Variants in SLCO5A1 observed in about 807,000 individuals in gnomAD.
SLCO5A1 encodes solute carrier organic anion transporter family member 5A1, also known as organic anion transporter polypeptide-related protein 4.
SLCO5A1 carries 39 observed loss-of-function variants against 65.1 expected under a neutral mutation model. That is an observed-to-expected ratio of 0.60 (90% CI 0.46 to 0.78). The LOEUF (loss-of-function observed/expected upper bound fraction) is 0.78, where lower values mean the gene tolerates loss of function less well. SLCO5A1 is among the 30% of genes least tolerant of loss of function. SLCO5A1 has a pLI of 0.00. For synonymous variants in SLCO5A1, 438 were observed against 415.7 expected, an observed-to-expected ratio of 1.05 and a Z score of -0.65; for missense variants, 1,029 against 1,069.4, an observed-to-expected ratio of 0.96 and a Z score of 0.53.
intron 2 of SLCO5A1, among the ~76,000 whole-genome samples, chr8:69,822,821 G>C (rs1820704448): frequency 6.6e-6 from 1 of 152,240 alleles, no homozygotes; most frequent in South Asian, 2.1e-4. Context: ...TGTTGGTAGA[G>C]TGAAACTAAA....
At chr8:69,784,899 A>AAAGG (rs1270890574) in intron 2 of SLCO5A1, among the ~76,000 whole-genome samples, 14 of 28,428 alleles carry the variant, frequency 4.9e-4, no homozygotes, top group Middle Eastern at 0.016. Flanking sequence ...AGAAAGGAAG[A>AAAGG]AAGAAAGAAA....
intron 4 of SLCO5A1, among the ~76,000 whole-genome samples, chr8:69,749,343 G>C (rs1303541037): frequency 1.3e-5 from 2 of 152,148 alleles, no homozygotes; most frequent in Non-Finnish European, 2.9e-5. Flanking sequence ...GTTTCACCGG[G>C]CGCAGTGGCT....
chr8:69,791,815 A>G (rs747927470), intron 2 of SLCO5A1, among the ~76,000 whole-genome samples: 115 of 152,210 alleles, frequency 7.6e-4, no homozygotes, highest in Non-Finnish European at 1.2e-3. Context: ...TTCTCTAATA[A>G]GTGAATTACA....
intron 2 of SLCO5A1, among the ~76,000 whole-genome samples, chr8:69,805,563 G>A (rs764836192): frequency 4.6e-5 from 7 of 152,270 alleles, no homozygotes; most frequent in Non-Finnish European, 8.8e-5. Flanking sequence ...ATGAATTATG[G>A]TGGGAGAATT....
At chr8:69,784,993 C>T (rs567332872) in intron 2 of SLCO5A1, among the ~76,000 whole-genome samples, 14 of 80,488 alleles carry the variant, frequency 1.7e-4, no homozygotes, top group Middle Eastern at 9.8e-3. Flanking sequence ...GAAAGAAAAG[C>T]GAAAGAAAGA....
At chr8:69,755,365 A>G in intron 4 of SLCO5A1, 59 bp downstream of exon 4, 6 of 1,435,448 alleles carry the variant, frequency 4.2e-6, no homozygotes, top group Non-Finnish European at 5.8e-6. Context: ...CTGGGACCAC[A>G]CTATGAGTAG....
At chr8:69,827,145 T>G in intron 2 of SLCO5A1, among the ~76,000 whole-genome samples, 1 of 92,390 alleles carries the variant, frequency 1.1e-5, no homozygotes, top group South Asian at 4.1e-4. Context: ...TGGGGACTGT[T>G]GTGGGGTGGG....
chr8:69,827,247 T>C, intron 2 of SLCO5A1, among the ~76,000 whole-genome samples: 1 of 151,838 alleles, frequency 6.6e-6, no homozygotes, highest in Non-Finnish European at 1.5e-5. Flanking sequence ...TGTATACATA[T>C]GTAACTAACC....
chr8:69,728,600 A>T (rs1030536300), intron 5 of SLCO5A1, among the ~76,000 whole-genome samples: 5 of 152,216 alleles, frequency 3.3e-5, no homozygotes, highest in African/African-American at 1.2e-4. Context: ...AAAAGTCTAA[A>T]GCTGTATTTA....
At chr8:69,785,543 A>G (rs1819014235) in intron 2 of SLCO5A1, among the ~76,000 whole-genome samples, 1 of 152,234 alleles carries the variant, frequency 6.6e-6, no homozygotes, top group East Asian at 1.9e-4. Flanking sequence ...TCTAAACACA[A>G]TAGTAAATCC....
Position 69,672,896 on chromosome 8 carries a change from G to C in SLCO5A1, c.2520C>G (p.Ser840Arg), listed in dbSNP as rs749926019. Residue 840 changes from serine (S) to arginine (R), a missense_variant, in exon 10 of 10, where the codon AGC becomes AGG. Physicochemically the swap from Ser to Arg is moderately radical, Grantham distance 110 (BLOSUM62 -1). Around this residue, in one of 3 missense-constraint regions of SLCO5A1, gnomAD observed 258 missense variants for 237.4 expected, o/e 1.09. Transcript: ENST00000260126. Reference protein sequence around the residue: ...SSSADPGLEESPAALEPPS With the variant: ...SSSADPGLEERPAALEPPS ...AGGAGGGCGGCTCCAAGGCAGCGGG[G>C]CTCTCTTCCAGCCCCGGGTCCGCAG... 6.8e-6 allele frequency: 11 copies of C among 1,612,762 alleles called. No homozygotes were observed. The highest frequency in any genetic ancestry group is 8.5e-6 in the Non-Finnish European group (10 of 1,178,958).
Position 69,671,899 on chromosome 8 carries a change from C to CTGT in SLCO5A1, c.*969_*970insACA, listed in dbSNP as rs918431256. 2.4e-4 allele frequency: 37 copies of CTGT among 152,112 alleles called. No homozygotes were observed. The highest frequency in any genetic ancestry group is 8.7e-4 in the African/African-American group (36 of 41,430). The allele number at this position is 152,112 out of a possible 1,614,324, so 9.4% of individuals were successfully genotyped here. On this transcript the variant is annotated 3_prime_UTR_variant, in exon 10 of 10. Coordinates refer to ENST00000260126, the MANE Select transcript of SLCO5A1 (RefSeq NM_030958.3). ...ATTTTCTGTCCAGAAAAAAAGAAAA[C>CTGT]CACACAGATTTGCCAGTGCTTTCAA...
At chr8:69,809,670 T>G (rs372501652) in intron 2 of SLCO5A1, among the ~76,000 whole-genome samples, 1 of 152,014 alleles carries the variant, frequency 6.6e-6, no homozygotes, top group African/African-American at 2.4e-5. Context: ...TTATTATGAT[T>G]ATGATTATTA....
intron 5 of SLCO5A1, among the ~76,000 whole-genome samples, chr8:69,706,691 GAAC>G (rs1438396758): frequency 5.9e-5 from 9 of 152,194 alleles, no homozygotes; most frequent in Admixed American, 5.9e-4. Flanking sequence ...CCAACCTCCA[GAAC>G]TGTGAGAAAT....
chr8:69,733,936 A>G (rs1816444320), intron 5 of SLCO5A1, among the ~76,000 whole-genome samples: 1 of 152,276 alleles, frequency 6.6e-6, no homozygotes, highest in East Asian at 1.9e-4. Flanking sequence ...CCAACTTCAT[A>G]ATATTTAACT....
At chr8:69,682,156 A>G in intron 7 of SLCO5A1, 28 bp downstream of exon 7, 1 of 1,591,352 alleles carries the variant, frequency 6.3e-7, no homozygotes, top group Non-Finnish European at 8.5e-7. Context: ...TTGGACTAAC[A>G]GAAGAGGAAC....
chr8:69,811,926 G>A (rs1820219869), intron 2 of SLCO5A1, among the ~76,000 whole-genome samples: 1 of 152,170 alleles, frequency 6.6e-6, no homozygotes, highest in Non-Finnish European at 1.5e-5. Context: ...CTGGACCCCA[G>A]GGGCCACTCT....
At chr8:69,806,776 C>T (rs1456888729) in intron 2 of SLCO5A1, among the ~76,000 whole-genome samples, 4 of 152,190 alleles carry the variant, frequency 2.6e-5, no homozygotes, top group East Asian at 1.9e-4. Flanking sequence ...GCATGGCAGA[C>T]AATTGTGCAA....
intron 2 of SLCO5A1, among the ~76,000 whole-genome samples, chr8:69,796,444 C>T (rs546148043): frequency 3.9e-5 from 6 of 151,946 alleles, no homozygotes; most frequent in African/African-American, 7.2e-5. Context: ...CAAGACCCTG[C>T]CTCTACTAAA....
Sources: gnomAD v4.1 joint callset for allele counts (sites outside exome capture counted in the v4.1 genomes callset) on GRCh38, gnomAD v4.1.1 for gene constraint, gnomAD v4.1.1 regional missense constraint, MANE v1.5 for transcripts, NCBI Gene and HGNC (gene_info 2026-07-23, HGNC 2026-07-21) for gene names.